Variants in PRELP observed in about 807,000 individuals in gnomAD.
PRELP encodes proline and arginine rich end leucine rich repeat protein, also known as prolargin.
A neutral mutation model predicts 22.8 loss-of-function variants in PRELP; 16 were observed. That is an observed-to-expected ratio of 0.70 (90% CI 0.47 to 1.06). The LOEUF (loss-of-function observed/expected upper bound fraction) is 1.06. PRELP is among the 50% of genes least tolerant of loss of function. PRELP has a pLI of 0.00. For missense variants in PRELP, 434 were observed against 485.2 expected (o/e 0.89, Z 0.99); for synonymous variants, 233 against 211.4 (o/e 1.10, Z -0.89).
At position 203,487,028 on chromosome 1, in the gene PRELP, A is replaced by T; in HGVS notation, c.*147A>T. On this transcript the variant is annotated 3_prime_UTR_variant, in exon 3 of 3. Transcript: ENST00000343110. ...CCCTCGAGGCAGGGAAAAGCCATCT[A>T]TTCTTCTGCAGCCTCAGGAGCGAGA... 1.1e-6 allele frequency: 1 copy of T among 941,730 alleles called. No individual in the cohort carries two copies. The highest frequency in any genetic ancestry group is 1.5e-6 in the Non-Finnish European group (1 of 656,140). The allele number at this position is 941,730 out of a possible 1,614,324, so 58.3% of individuals were successfully genotyped here. A position where few individuals can be genotyped will look rare whatever the true frequency, so the allele number is the denominator to read the frequency against.
In PRELP at chr1:203,477,247, C is replaced by CGAGAATCAG. The variant is rs534357614; in HGVS notation, c.-17+1311_-17+1319dup. Among the ~76,000 whole-genome samples the CGAGAATCAG allele has an allele frequency of 5.6e-4, 85 of 152,198 alleles. 2 individuals are homozygous for CGAGAATCAG. Among genetic ancestry groups the CGAGAATCAG allele is most frequent in the African/African-American group, 1.8e-3 (75 of 41,502 alleles). ...GAGATTCTGATGGTCCACCAGGGCT[C>CGAGAATCAG]GAGAATCAGGGGCCTGAGAGAGAGC... On this transcript the variant is annotated intron_variant, in intron 1 of 2. Coordinates refer to ENST00000343110, the MANE Select transcript of PRELP (RefSeq NM_002725.4).
intron 1 of PRELP, among the ~76,000 whole-genome samples, chr1:203,482,285 T>TC (rs1307629089): frequency 6.6e-6 from 1 of 151,356 alleles, no homozygotes; most frequent in African/African-American, 2.4e-5. Context: ...TTTCTTTCTT[T>TC]TTTTTTTTTT....
At chr1:203,476,411 A>G (rs1660911893) in intron 1 of PRELP, among the ~76,000 whole-genome samples, 1 of 152,206 alleles carries the variant, frequency 6.6e-6, no homozygotes, top group African/African-American at 2.4e-5. Context: ...TCTGCATCTG[A>G]CATGCAGAGC....
rs137872837 is a variant in PRELP, at chr1:203,483,962, G to A, written c.778G>A (p.Gly260Arg). Residue 260 changes from glycine (G) to arginine (R), a missense_variant, in exon 2 of 3, where the codon GGA becomes AGA. Coordinates refer to ENST00000343110, the MANE Select transcript of PRELP (RefSeq NM_002725.4). This position sits in a 1 kb window ranked among gnomAD's most constrained non-coding sequence, Gnocchi z 4.4. ...DSNKIETIPNGYFKSFPNLAF... is the reference protein window; with the variant it reads ...DSNKIETIPNRYFKSFPNLAF... ...TAACAAGATTGAGACCATCCCTAAC[G>A]GATACTTCAAGAGCTTTCCCAATCT... The A allele has an allele frequency of 1.9e-5, 30 of 1,614,050 alleles. No individual in the cohort carries two copies. Among genetic ancestry groups the A allele is most frequent in the Admixed American group, 3.3e-5 (2 of 60,006 alleles).
chr1:203,486,975 T>G lies in PRELP; in HGVS notation c.*94T>G. On this transcript the variant is annotated 3_prime_UTR_variant, in exon 3 of 3. Coordinates refer to ENST00000343110, the MANE Select transcript of PRELP (RefSeq NM_002725.4). Reference sequence around the variant, plus strand: ...ATTCGTTTTCTCTCTCTCCCTTTCTTTCTCCCAGCTTTGCCTCCCTTATCC... The same window carrying G: ...ATTCGTTTTCTCTCTCTCCCTTTCTGTCTCCCAGCTTTGCCTCCCTTATCC... 7.4e-7 allele frequency: 1 copy of G among 1,346,194 alleles called. No homozygotes were observed. The highest frequency in any genetic ancestry group is 1.5e-5 in the South Asian group (1 of 65,238). 83.4% of individuals were successfully genotyped at this position (1,346,194 alleles called of 1,614,324 possible).
chr1:203,480,373 A>G (rs1660979271), intron 1 of PRELP, among the ~76,000 whole-genome samples: 1 of 152,224 alleles, frequency 6.6e-6, no homozygotes. Flanking sequence ...ATCCTAAGGA[A>G]TCTTATGATT....
At chr1:203,484,969 G>A (rs769307568) in intron 2 of PRELP, among the ~76,000 whole-genome samples, 1 of 152,142 alleles carries the variant, frequency 6.6e-6, no homozygotes, top group Non-Finnish European at 1.5e-5. Context: ...CAGAAGGGAT[G>A]CAGCAGCAGA....
chr1:203,478,234 CT>C (rs1660944659), intron 1 of PRELP, among the ~76,000 whole-genome samples: 1 of 152,220 alleles, frequency 6.6e-6, no homozygotes, highest in African/African-American at 2.4e-5. Flanking sequence ...GAATGAAGAA[CT>C]GCAGGATTGG....
intron 2 of PRELP, among the ~76,000 whole-genome samples, chr1:203,485,987 G>A (rs1479743023): frequency 1.3e-5 from 2 of 152,032 alleles, no homozygotes; most frequent in Non-Finnish European, 2.9e-5. Context: ...ACCATCTTTT[G>A]CCCATCCTCA....
Position 203,490,958 on chromosome 1 carries a change from A to C in PRELP, c.*4077A>C, listed in dbSNP as rs2102215001. ...CCATGAATGGATACCTCTGTGTCCT[A>C]AGTGTTTGTAATAATGCTGTGTGTC... On this transcript the variant is annotated 3_prime_UTR_variant, in exon 3 of 3. Coordinates refer to ENST00000343110, the MANE Select transcript of PRELP (RefSeq NM_002725.4). 1 of 152,462 alleles carries C rather than the reference A, an allele frequency of 6.6e-6. No homozygotes were observed. The highest frequency in any genetic ancestry group is 2.1e-4 in the South Asian group (1 of 4,860). 9.4% of individuals were successfully genotyped at this position (152,462 alleles called of 1,614,324 possible).
At position 203,490,464 on chromosome 1, in the gene PRELP, C is replaced by T. The variant is rs1400096344; in HGVS notation, c.*3583C>T. 2.0e-5 allele frequency: 3 copies of T among 152,176 alleles called. No individual in the cohort carries two copies. The highest frequency in any genetic ancestry group is 7.2e-5 in the African/African-American group (3 of 41,442). 9.4% of individuals were successfully genotyped at this position (152,176 alleles called of 1,614,324 possible). On this transcript the variant is annotated 3_prime_UTR_variant, in exon 3 of 3. Coordinates refer to ENST00000343110, the MANE Select transcript of PRELP (RefSeq NM_002725.4). ...ATGTACTAAATTGTCGAAGGTCTCC[C>T]AGGAGCTCTGTACTGAGGCAGACAC...
At position 203,485,377 on chromosome 1, in the gene PRELP, C is replaced by A. The variant is rs568241555; in HGVS notation, c.973+1220C>A. ...ACCTTCTAAGGTTGAAGTCAGAGAA[C>A]TCACACCTCACCCACATGAGCCCAC... On this transcript the variant is annotated intron_variant, in intron 2 of 2. Coordinates refer to ENST00000343110, the MANE Select transcript of PRELP (RefSeq NM_002725.4). Among the ~76,000 whole-genome samples, 13 of 152,264 alleles carry A rather than the reference C, an allele frequency of 8.5e-5. No homozygotes were observed. The East Asian group carries it at 2.3e-3, about 27-fold the overall frequency.
intron 1 of PRELP, among the ~76,000 whole-genome samples, chr1:203,482,591 CTTTT>C (rs58787817): frequency 1.6e-3 from 84 of 51,064 alleles, no homozygotes; most frequent in South Asian, 6.9e-3. Flanking sequence ...CCCAATGTGC[CTTTT>C]TTTTTTTTTT....
intron 2 of PRELP, among the ~76,000 whole-genome samples, chr1:203,486,036 T>A (rs1019298044): frequency 7.9e-5 from 12 of 152,190 alleles, no homozygotes; most frequent in African/African-American, 2.7e-4. Flanking sequence ...TGCAGAGTAA[T>A]TTTCACATCC....
Position 203,486,861 on chromosome 1 carries a change from C to T in PRELP, c.1129C>T (p.Leu377=), listed in dbSNP as rs150342226. The part of the protein sequence containing the change: ...PLDLMMCFRL[L]QSVVI ...GGACCTCATGATGTGCTTCCGCCTC[C>T]TGCAGTCCGTGGTCATCTAGGCCCT... The change falls in exon 3 of 3, where the codon CTG becomes TTG. Residue 377 remains leucine (L), a synonymous_variant. Transcript: ENST00000343110. 1.1e-5 allele frequency: 18 copies of T among 1,613,870 alleles called. 1 individual carries two copies. The African/African-American group carries it at 1.6e-4, about 14-fold the overall frequency.
At position 203,490,168 on chromosome 1, in the gene PRELP, T is replaced by C. The variant is rs977085305; in HGVS notation, c.*3287T>C. 4 of 151,750 alleles carry C rather than the reference T, an allele frequency of 2.6e-5. No individual in the cohort carries two copies. Among genetic ancestry groups the C allele is most frequent in the Non-Finnish European group, 5.9e-5 (4 of 67,980 alleles). The allele number at this position is 151,750 out of a possible 1,614,324, so 9.4% of individuals were successfully genotyped here. ...TAAATAGAGGCAGGGTCTCATTATG[T>C]TGCCCAGGCTGGTCTGGAACTCCTG... On this transcript the variant is annotated 3_prime_UTR_variant, in exon 3 of 3. Transcript: ENST00000343110.
rs1184815840 is a variant in PRELP, at chr1:203,489,444, A to C, written c.*2563A>C. The C allele has an allele frequency of 6.6e-6, 1 of 152,204 alleles. No individual in the cohort carries two copies. Among genetic ancestry groups the C allele is most frequent in the Admixed American group, 6.5e-5 (1 of 15,288 alleles). The allele number at this position is 152,204 out of a possible 1,614,324, so 9.4% of individuals were successfully genotyped here. On this transcript the variant is annotated 3_prime_UTR_variant, in exon 3 of 3. Transcript: ENST00000343110. ...AAAAAAAGCCCCCTTCTCCATGCAC[A>C]AGTTCATTCCCTCCATGCTGTCGTC...
At chr1:203,486,572 C>T (rs928657711) in intron 2 of PRELP, 134 bp from the exon 3 acceptor site, 5 of 783,744 alleles carry the variant, frequency 6.4e-6, no homozygotes, top group Admixed American at 5.7e-5. Flanking sequence ...CATCTATGAT[C>T]ACACATTCCC....
At chr1:203,481,824 TCTTC>T (rs1285003049) in intron 1 of PRELP, among the ~76,000 whole-genome samples, 1 of 152,240 alleles carries the variant, frequency 6.6e-6, no homozygotes, top group Non-Finnish European at 1.5e-5. Context: ...GCGAGCCACT[TCTTC>T]CTTCCAGTCC....
Sources: gnomAD v4.1 joint callset for allele counts (sites outside exome capture counted in the v4.1 genomes callset) on GRCh38, gnomAD v4.1.1 for gene constraint, Gnocchi (gnomAD v3.1) non-coding constraint, MANE v1.5 for transcripts, NCBI Gene and HGNC (gene_info 2026-07-23, HGNC 2026-07-21) for gene names.